AHCTF1: variants seen among roughly 807,000 people sequenced by gnomAD.
The protein encoded by AHCTF1 is AT-hook containing transcription factor 1, also known as protein ELYS.
AHCTF1 carries 24 observed loss-of-function variants against 248.4 expected under a neutral mutation model. That is an observed-to-expected ratio of 0.10 (90% CI 0.07 to 0.14). The LOEUF (loss-of-function observed/expected upper bound fraction) is 0.14. AHCTF1 is among the 10% of genes least tolerant of loss of function. The probability of loss-of-function intolerance (pLI) is 1.00; values close to 1 mark genes in which losing one functional copy is unlikely to be tolerated. For synonymous variants in AHCTF1, 786 were observed against 929.8 expected, an observed-to-expected ratio of 0.85 and a Z score of 2.81; for missense variants, 2,206 against 2,636.2, an observed-to-expected ratio of 0.84 and a Z score of 3.57.
At chr1:246,919,517 T>C (rs1305742096) in intron 1 of AHCTF1, among the ~76,000 whole-genome samples, 3 of 151,882 alleles carry the variant, frequency 2.0e-5, no homozygotes, top group South Asian at 4.2e-4. Context: ...ATCAACACCA[T>C]CCTGGCTAAT....
At chr1:246,890,898 A>T (rs1486081215) in intron 16 of AHCTF1, 58 bp downstream of exon 16, 6 of 1,164,268 alleles carry the variant, frequency 5.2e-6, no homozygotes, top group Non-Finnish European at 6.9e-6. Flanking sequence ...TACAATAACA[A>T]AATTATAAAG....
At chr1:246,868,613 A>G (rs1662219009) in intron 24 of AHCTF1, among the ~76,000 whole-genome samples, 1 of 66,594 alleles carries the variant, frequency 1.5e-5, no homozygotes, top group Admixed American at 1.6e-4. Flanking sequence ...GTAAGTGGTA[A>G]AAAAAAAAAA....
chr1:246,848,106 G>A (rs912796426), intron 33 of AHCTF1, among the ~76,000 whole-genome samples: 21 of 152,178 alleles, frequency 1.4e-4, no homozygotes, highest in Admixed American at 1.3e-3. Flanking sequence ...AATTTTCTGA[G>A]TGACGAGGGG....
At chr1:246,898,057 C>A in intron 12 of AHCTF1, 151 bp downstream of exon 12, 1 of 1,129,456 alleles carries the variant, frequency 8.9e-7, no homozygotes, top group South Asian at 1.5e-5. Flanking sequence ...AATTTTAAAC[C>A]AAACCTAAGA....
chr1:246,898,392 T>C, intron 11 of AHCTF1, 56 bp from the exon 12 acceptor site: 1 of 1,503,512 alleles, frequency 6.7e-7, no homozygotes, highest in South Asian at 1.2e-5. Flanking sequence ...ATAATCAAAT[T>C]TAAGATTAAT....
intron 3 of AHCTF1, among the ~76,000 whole-genome samples, chr1:246,914,390 A>G (rs1271783345): frequency 1.3e-5 from 2 of 152,192 alleles, no homozygotes; most frequent in African/African-American, 4.8e-5. Flanking sequence ...TCATGTGTTA[A>G]AAAGACTAAA....
chr1:246,851,522 C>T lies in AHCTF1; in HGVS notation c.4564-80G>A, dbSNP rs78575640. On this transcript the variant is annotated intron_variant, in intron 32 of 35. Coordinates refer to ENST00000648844, the MANE Select transcript of AHCTF1 (RefSeq NM_001323342.2). Reference sequence around the variant, plus strand: ...TTGAAGCACACAGGTTTTTGATGACCCTTGGCTGTGTGCCTTTTAAAACAT... The same window carrying T: ...TTGAAGCACACAGGTTTTTGATGACTCTTGGCTGTGTGCCTTTTAAAACAT... 687 of 1,300,352 alleles carry T rather than the reference C, an allele frequency of 5.3e-4. 3 individuals are homozygous for T. The African/African-American group carries it at 9.3e-3, about 18-fold the overall frequency. 80.6% of individuals were successfully genotyped at this position (1,300,352 alleles called of 1,614,324 possible).
Position 246,877,214 on chromosome 1 carries a change from G to C in AHCTF1, c.2749C>G (p.Gln917Glu), listed in dbSNP as rs780564661. 1 of 1,613,452 alleles carries C rather than the reference G, an allele frequency of 6.2e-7. No individual in the cohort carries two copies. The highest frequency in any genetic ancestry group is 1.1e-5 in the South Asian group (1 of 90,958). Reference protein sequence around the residue: ...ELLKHMYEVCQEMGLMEDLLK... With the variant: ...ELLKHMYEVCEEMGLMEDLLK... ...AAATCTTCCATCAAGCCCATTTCCT[G>C]ACAGACTTCATACATGTGCTTCAGT... Residue 917 changes from glutamine (Q) to glutamate (E), a missense_variant, in exon 22 of 36, where the codon CAG becomes GAG. Physicochemically the swap from Gln to Glu is conservative, Grantham distance 29 (BLOSUM62 2). Transcript: ENST00000648844.
intron 33 of AHCTF1, among the ~76,000 whole-genome samples, chr1:246,849,370 TTACAC>T (rs1189500923): frequency 6.6e-6 from 1 of 152,126 alleles, no homozygotes; most frequent in Non-Finnish European, 1.5e-5. Flanking sequence ...AGAAGAGAAA[TTACAC>T]TATTCTAAAA....
chr1:246,863,576 T>C (rs967584491), intron 27 of AHCTF1, among the ~76,000 whole-genome samples: 1 of 152,024 alleles, frequency 6.6e-6, no homozygotes, highest in African/African-American at 2.4e-5. Flanking sequence ...AAGAACTAAA[T>C]AGCATTTGAT....
chr1:246,929,921 G>T (rs371220461), intron 1 of AHCTF1, among the ~76,000 whole-genome samples: 1 of 151,936 alleles, frequency 6.6e-6, no homozygotes, highest in Non-Finnish European at 1.5e-5. Flanking sequence ...GTGTGGTGGC[G>T]TGCGCCTGTA....
chr1:246,892,541 GA>G (rs1664284986), intron 14 of AHCTF1, among the ~76,000 whole-genome samples: 1 of 151,852 alleles, frequency 6.6e-6, no homozygotes, highest in Non-Finnish European at 1.5e-5. Context: ...GGCTGGCCTC[GA>G]ACTCCTGACC....
intron 33 of AHCTF1, among the ~76,000 whole-genome samples, chr1:246,847,772 G>A (rs999128052): frequency 6.6e-6 from 1 of 152,094 alleles, no homozygotes; most frequent in Non-Finnish European, 1.5e-5. Flanking sequence ...ATGAAAAATA[G>A]GTAAAGATGA....
chr1:246,905,738 G>A, intron 5 of AHCTF1, 81 bp from the exon 6 acceptor site: 1 of 1,035,674 alleles, frequency 9.7e-7, no homozygotes. Flanking sequence ...ACTTGGGTTA[G>A]GCAACCACTG....
chr1:246,913,163 T>C, intron 4 of AHCTF1, 69 bp downstream of exon 4: 2 of 1,385,994 alleles, frequency 1.4e-6, no homozygotes, highest in Non-Finnish European at 1.9e-6. Flanking sequence ...AAAATTTGGC[T>C]ACTTTAAAAA....
chr1:246,863,173 TTATTTTAATA>T (rs1368731217), intron 27 of AHCTF1, among the ~76,000 whole-genome samples: 5 of 152,192 alleles, frequency 3.3e-5, no homozygotes, highest in Non-Finnish European at 7.3e-5. Flanking sequence ...TCTTTTCAAC[TTATTTTAATA>T]AGTATTTTAG....
intron 21 of AHCTF1, among the ~76,000 whole-genome samples, chr1:246,879,450 T>G (rs1448000954): frequency 6.6e-6 from 1 of 152,198 alleles, no homozygotes; most frequent in East Asian, 1.9e-4. Context: ...TTGGCACATG[T>G]GCATTACGTG....
At chr1:246,862,582 T>C (rs190787258) in intron 27 of AHCTF1, among the ~76,000 whole-genome samples, 15 of 152,270 alleles carry the variant, frequency 9.9e-5, no homozygotes, top group African/African-American at 3.4e-4. Context: ...AATAGAAATA[T>C]TTATTCCAGA....
intron 5 of AHCTF1, 57 bp from the exon 6 acceptor site, chr1:246,905,714 T>C (rs989285695): frequency 4.3e-6 from 6 of 1,390,026 alleles, no homozygotes; most frequent in Non-Finnish European, 4.0e-6. Flanking sequence ...AGGAAAAAGG[T>C]ACATCATGTA....
Sources: allele counts gnomAD v4.1 joint callset (sites outside exome capture counted in the v4.1 genomes callset), GRCh38; gene constraint gnomAD v4.1.1; transcripts MANE v1.5; gene names NCBI Gene and HGNC (gene_info 2026-07-23, HGNC 2026-07-21).